Variants in PCDHA5 observed in about 807,000 individuals in gnomAD.
The protein encoded by PCDHA5 is protocadherin alpha-5.
A neutral mutation model predicts 61.6 loss-of-function variants in PCDHA5; 43 were observed. That is an observed-to-expected ratio of 0.70 (90% CI 0.55 to 0.90). The LOEUF (loss-of-function observed/expected upper bound fraction) is 0.90, where lower values mean the gene tolerates loss of function less well. Ranked by LOEUF, PCDHA5 falls within the 40% of genes least tolerant of loss-of-function variation. PCDHA5 has a pLI of 0.00. For synonymous variants in PCDHA5, 627 were observed against 543.9 expected, an observed-to-expected ratio of 1.15 and a Z score of -2.13; for missense variants, 1,298 against 1,222.7, an observed-to-expected ratio of 1.06 and a Z score of -0.92.
intron 1 of PCDHA5, chr5:140,867,940 ACTT>A (rs2050206930): frequency 6.6e-6 from 1 of 152,110 alleles, no homozygotes; most frequent in African/African-American, 2.4e-5. Flanking sequence ...TTTTCCATGA[ACTT>A]CTGCTCCCAA....
intron 1 of PCDHA5, chr5:140,863,620 A>G (rs2048096081): frequency 3.1e-6 from 1 of 322,758 alleles, no homozygotes; most frequent in Non-Finnish European, 6.1e-6. Context: ...CCTCATAGTG[A>G]CATTGATAAT....
At chr5:140,927,720 G>A in intron 1 of PCDHA5, 6 of 1,614,174 alleles carry the variant, frequency 3.7e-6, no homozygotes, top group Non-Finnish European at 4.2e-6. Context: ...GCAACAGCAC[G>A]CAAGCAGAGC....
rs10602499 is a variant in PCDHA5 at position 140,992,017 on chromosome 5, C to CTGTGTGTGTG, written c.2500+9482_2500+9491dup. Among the ~76,000 whole-genome samples, 121 of 145,620 alleles carry CTGTGTGTGTG rather than the reference C, an allele frequency of 8.3e-4. 2 individuals are homozygous for CTGTGTGTGTG. The highest frequency in any genetic ancestry group is 3.5e-3 in the Middle Eastern group (1 of 288). ...CTTTCATGTTCAGGCAGAGGTGGCT[C>CTGTGTGTGTG]TGTGTGTGTGTGTGTGTGTGTGTGT... On this transcript the variant is annotated intron_variant, in intron 3 of 3. Transcript: ENST00000529859.
chr5:140,949,409 A>G (rs547419161), intron 1 of PCDHA5, among the ~76,000 whole-genome samples: 1 of 151,896 alleles, frequency 6.6e-6, no homozygotes, highest in African/African-American at 2.4e-5. Flanking sequence ...AAAATCACCT[A>G]TCATCATTGT....
rs1434027533 is a variant in PCDHA5, at chr5:140,831,618, C to A, written c.2352+7491C>A. ...GTGCAAGTGATCTGCCCACCTTGGC[C>A]TCCCAAAGTACTAAGATTATAGGTG... On this transcript the variant is annotated intron_variant, in intron 1 of 3. Coordinates refer to ENST00000529859, the MANE Select transcript of PCDHA5 (RefSeq NM_018908.3). 2.6e-5 allele frequency among the ~76,000 whole-genome samples: 4 copies of A among 151,234 alleles called. No homozygotes were observed. In the South Asian group the frequency reaches 8.3e-4, roughly 32 times the overall value.
rs183844925 is a variant in PCDHA5, at chr5:140,839,263, T to C, written c.2352+15136T>C. Among the ~76,000 whole-genome samples the C allele has an allele frequency of 3.7e-4, 56 of 152,234 alleles. 2 individuals carry two copies. Among genetic ancestry groups the C allele is most frequent in the African/African-American group, 1.3e-3 (52 of 41,512 alleles). On this transcript the variant is annotated intron_variant, in intron 1 of 3. Transcript: ENST00000529859. ...CTTTGCTTTTATGCTTACATGCATG[T>C]ATATTTAAAACCTTCCTAGCATATT...
chr5:140,857,566 C>G, intron 1 of PCDHA5: 1 of 1,596,798 alleles, frequency 6.3e-7, no homozygotes, highest in South Asian at 1.1e-5. Flanking sequence ...TGTCGAGCTA[C>G]GTGTCGGTGC....
chr5:141,006,351 A>G (rs537027677), intron 3 of PCDHA5, among the ~76,000 whole-genome samples: 1 of 151,966 alleles, frequency 6.6e-6, no homozygotes, highest in Non-Finnish European at 1.5e-5. Flanking sequence ...AGCTGGGACT[A>G]TAGGCGCCCA....
chr5:140,897,309 A>G (rs1165791921), intron 1 of PCDHA5, among the ~76,000 whole-genome samples: 3 of 148,098 alleles, frequency 2.0e-5, no homozygotes, highest in Non-Finnish European at 3.0e-5. Flanking sequence ...CATTAGGTAT[A>G]TCTCCTAAAG....
intron 1 of PCDHA5, among the ~76,000 whole-genome samples, chr5:140,902,680 C>T (rs943072063): frequency 3.9e-5 from 6 of 152,094 alleles, no homozygotes; most frequent in Admixed American, 6.5e-5. Context: ...GTACACCGTA[C>T]CTAATATGTG....
intron 1 of PCDHA5, chr5:140,871,576 G>A (rs1554165757): frequency 4.1e-6 from 6 of 1,475,680 alleles, no homozygotes; most frequent in Non-Finnish European, 5.4e-6. Flanking sequence ...GATTTTTTAA[G>A]GGAAAGTTTT....
At chr5:140,914,488 G>T (rs1437401245) in intron 1 of PCDHA5, among the ~76,000 whole-genome samples, 1 of 152,080 alleles carries the variant, frequency 6.6e-6, no homozygotes, top group Non-Finnish European at 1.5e-5. Flanking sequence ...AGTGTTTCTT[G>T]TGGGCAACAG....
At chr5:140,824,170 T>C in intron 1 of PCDHA5, 43 bp downstream of exon 1, 1 of 1,610,876 alleles carries the variant, frequency 6.2e-7, no homozygotes. Flanking sequence ...CTCCCAATTT[T>C]CAAATATTAA....
chr5:140,902,201 T>C (rs1554190261), intron 1 of PCDHA5, among the ~76,000 whole-genome samples: 1 of 145,052 alleles, frequency 6.9e-6, no homozygotes. Flanking sequence ...CTCTCTCTCT[T>C]TCTTTTTTTT....
intron 1 of PCDHA5, among the ~76,000 whole-genome samples, chr5:140,976,713 T>TA (rs1554237898): frequency 6.6e-6 from 1 of 152,216 alleles, no homozygotes; most frequent in Admixed American, 6.5e-5. Flanking sequence ...CTTTGCATTA[T>TA]AGTTCATTTA....
intron 1 of PCDHA5, chr5:140,875,768 G>A (rs997656321): frequency 6.2e-7 from 1 of 1,614,262 alleles, no homozygotes; most frequent in Non-Finnish European, 8.5e-7. Context: ...TGCGGGCGGA[G>A]CGCGGAGTGC....
chr5:140,984,258 CA>C (rs1563514144), intron 3 of PCDHA5, among the ~76,000 whole-genome samples: 1 of 152,262 alleles, frequency 6.6e-6, no homozygotes, highest in East Asian at 1.9e-4. Context: ...TGGTAAGCCA[CA>C]AACTAACTTT....
At chr5:140,978,922 C>A (rs569091265) in intron 1 of PCDHA5, 27 bp from the exon 2 acceptor site, 7 of 1,613,966 alleles carry the variant, frequency 4.3e-6, no homozygotes, top group Non-Finnish European at 5.1e-6. Context: ...GTCATTTTAA[C>A]AGAAAACTCT....
chr5:140,841,373 C>T, intron 1 of PCDHA5: 1 of 1,613,502 alleles, frequency 6.2e-7, no homozygotes, highest in East Asian at 2.2e-5. Flanking sequence ...ACTACTCTTG[C>T]TTCTGCTCCT....
Sources: gnomAD v4.1 joint callset for allele counts (sites outside exome capture counted in the v4.1 genomes callset) on GRCh38, gnomAD v4.1.1 for gene constraint, MANE v1.5 for transcripts, NCBI Gene and HGNC (gene_info 2026-07-23, HGNC 2026-07-21) for gene names.